SLC16A12: variants seen among roughly 807,000 people sequenced by gnomAD.
SLC16A12 encodes the protein solute carrier family 16 member 12.
SLC16A12 carries 17 observed loss-of-function variants against 42.4 expected under a neutral mutation model. The observed-to-expected ratio is 0.40, with a 90% confidence interval of 0.27 to 0.60. The LOEUF is 0.60. Ranked by LOEUF, SLC16A12 falls within the 20% of genes least tolerant of loss-of-function variation. The pLI, the probability that SLC16A12 is intolerant of heterozygous loss-of-function variation, is 0.42. For synonymous variants in SLC16A12, 224 were observed against 229.4 expected (o/e 0.98, Z 0.21); for missense variants, 544 against 623.0 (o/e 0.87, Z 1.35).
intron 3 of SLC16A12, among the ~76,000 whole-genome samples, chr10:89,458,884 C>A (rs1206982751): frequency 1.3e-5 from 2 of 152,168 alleles, no homozygotes; most frequent in African/African-American, 4.8e-5. Flanking sequence ...TAACAAACCA[C>A]TTTAGGCTCC....
Position 89,441,147 on chromosome 10 carries a change from T to C in SLC16A12, c.409A>G (p.Ser137Gly), listed in dbSNP as rs777243264. 5 of 1,613,816 alleles carry C rather than the reference T, an allele frequency of 3.1e-6. No homozygotes were observed. The African/African-American group carries it at 6.7e-5, about 22-fold the overall frequency. ...TGLILSSFAT[S>G]LKHLYLTLGV... ...AGAGTGAGGTAGAGATGCTTCAGAC[T>C]CGTGGCAAATGAGCTCAGGATGAGT... is the stretch of plus-strand genomic sequence containing the variant. Residue 137 changes from serine to glycine, a missense_variant, in exon 5 of 8, where the codon AGT (serine) becomes GGT (glycine). Ser to Gly is a moderately conservative substitution (Grantham distance 56). Transcript: ENST00000371790.
At chr10:89,440,992 G>C (rs1473259313) in intron 5 of SLC16A12, 116 bp downstream of exon 5, 1 of 1,306,914 alleles carries the variant, frequency 7.7e-7, no homozygotes, top group Non-Finnish European at 1.1e-6. Context: ...ACATAAGCTA[G>C]GTCAACTAAA....
At chr10:89,494,858 C>T (rs998849413) in intron 2 of SLC16A12, among the ~76,000 whole-genome samples, 2 of 152,162 alleles carry the variant, frequency 1.3e-5, no homozygotes, top group African/African-American at 4.8e-5. Context: ...ACCCCTCAGA[C>T]AATTAGCCTT....
At chr10:89,544,486 T>C (rs1254074051) in intron 2 of SLC16A12, among the ~76,000 whole-genome samples, 3 of 152,256 alleles carry the variant, frequency 2.0e-5, no homozygotes, top group Non-Finnish European at 4.4e-5. Flanking sequence ...TTATTCAAAA[T>C]CTTTTCAAAT....
At chr10:89,460,200 G>A (rs1179819247) in intron 3 of SLC16A12, among the ~76,000 whole-genome samples, 1 of 152,028 alleles carries the variant, frequency 6.6e-6, no homozygotes, top group Non-Finnish European at 1.5e-5. Context: ...TTTCATCATG[G>A]GAATGATGGA....
Position 89,441,103 on chromosome 10 carries a change from C to G in SLC16A12, c.448+5G>C, listed in dbSNP as rs375156775. 3.7e-6 allele frequency: 6 copies of G among 1,613,766 alleles called. No individual in the cohort carries two copies. Among genetic ancestry groups the G allele is most frequent in the Non-Finnish European group, 5.1e-6 (6 of 1,179,778 alleles). On this transcript the variant is annotated splice_donor_5th_base_variant and intron_variant, in intron 5 of 7. Coordinates refer to ENST00000371790, the MANE Select transcript of SLC16A12 (RefSeq NM_213606.4). ...GGTGAGACAGGTGGTACAAAGTGCCCTTACCTGTAAGAACTCCCAGAGTGA... is the reference window on the plus strand; with the variant it reads ...GGTGAGACAGGTGGTACAAAGTGCCGTTACCTGTAAGAACTCCCAGAGTGA...
chr10:89,484,438 T>C (rs1260107022), intron 2 of SLC16A12, among the ~76,000 whole-genome samples: 1 of 152,242 alleles, frequency 6.6e-6, no homozygotes, highest in Non-Finnish European at 1.5e-5. Context: ...GAAAAGAGTT[T>C]CAACTCACAG....
chr10:89,546,232 AT>A (rs1843742164), intron 2 of SLC16A12, among the ~76,000 whole-genome samples: 2 of 152,160 alleles, frequency 1.3e-5, no homozygotes, highest in Admixed American at 1.3e-4. Context: ...AGCAAAAGAA[AT>A]ATCATCAGAG....
At chr10:89,516,255 T>C (rs1053986014) in intron 2 of SLC16A12, among the ~76,000 whole-genome samples, 3 of 152,160 alleles carry the variant, frequency 2.0e-5, no homozygotes, top group African/African-American at 7.2e-5. Context: ...ATCTATGGAA[T>C]GGTGAGAGAA....
intron 2 of SLC16A12, among the ~76,000 whole-genome samples, chr10:89,468,884 CT>C (rs1440777721): frequency 1.3e-5 from 2 of 152,138 alleles, no homozygotes; most frequent in Non-Finnish European, 2.9e-5. Flanking sequence ...AATCCCAGCA[CT>C]TTTGGAGGCC....
At chr10:89,555,539 G>GTATATA (rs1564607477) in intron 2 of SLC16A12, among the ~76,000 whole-genome samples, 1 of 96,254 alleles carries the variant, frequency 1.0e-5, no homozygotes, top group South Asian at 2.9e-4. Flanking sequence ...ATATACGTAT[G>GTATATA]TATGTATATA....
At chr10:89,543,232 T>G (rs1261571523) in intron 2 of SLC16A12, among the ~76,000 whole-genome samples, 2 of 152,250 alleles carry the variant, frequency 1.3e-5, no homozygotes, top group Admixed American at 1.3e-4. Context: ...GGATAATCTT[T>G]TTGACTTTTT....
intron 2 of SLC16A12, chr10:89,467,933 A>AT (rs1465876015): frequency 1.3e-5 from 2 of 152,192 alleles, no homozygotes; most frequent in African/African-American, 4.8e-5. Context: ...CCCTGGCAAA[A>AT]TAAAATGTTC....
chr10:89,555,862 A>T (rs1164743497), intron 2 of SLC16A12: 2 of 151,314 alleles, frequency 1.3e-5, no homozygotes, highest in Non-Finnish European at 2.9e-5. Context: ...CCTTGTGTTT[A>T]CTATTGGAAC....
chr10:89,451,773 C>T (rs912888002), intron 3 of SLC16A12, among the ~76,000 whole-genome samples: 27 of 152,238 alleles, frequency 1.8e-4, no homozygotes, highest in African/African-American at 4.8e-4. Flanking sequence ...GGCGGAGATA[C>T]GTGCAATATG....
intron 3 of SLC16A12, among the ~76,000 whole-genome samples, chr10:89,453,577 T>C (rs933608140): frequency 6.6e-6 from 1 of 152,234 alleles, no homozygotes; most frequent in African/African-American, 2.4e-5. Context: ...TAACATGCTG[T>C]ACCGGTTTGT....
intron 2 of SLC16A12, among the ~76,000 whole-genome samples, chr10:89,552,091 A>C (rs1390104182): frequency 6.6e-6 from 1 of 152,034 alleles, no homozygotes; most frequent in African/African-American, 2.4e-5. Flanking sequence ...GCGTGCCACT[A>C]CACCTGGCTA....
chr10:89,440,073 CAAAA>C (rs10674171), intron 5 of SLC16A12, among the ~76,000 whole-genome samples: 4 of 31,454 alleles, frequency 1.3e-4, no homozygotes, highest in East Asian at 1.3e-3. Context: ...GACCCTGTCT[CAAAA>C]AAAAAAAAAA....
intron 2 of SLC16A12, among the ~76,000 whole-genome samples, chr10:89,489,449 C>A (rs979498995): frequency 1.3e-5 from 2 of 152,214 alleles, no homozygotes; most frequent in East Asian, 1.9e-4. Context: ...AAGGATTCTT[C>A]CACCTCAACC....
Sources: allele counts gnomAD v4.1 joint callset (sites outside exome capture counted in the v4.1 genomes callset), GRCh38; gene constraint gnomAD v4.1.1; transcripts MANE v1.5; gene names NCBI Gene and HGNC (gene_info 2026-07-23, HGNC 2026-07-21).